Variants in TRPM3 observed in about 807,000 individuals in gnomAD.
The protein encoded by TRPM3 is transient receptor potential cation channel subfamily M member 3.
A neutral mutation model predicts 181.2 loss-of-function variants in TRPM3; 77 were observed. That is an observed-to-expected ratio of 0.42 (90% CI 0.35 to 0.51). The LOEUF is 0.51. Ranked by LOEUF, TRPM3 falls within the 20% of genes least tolerant of loss-of-function variation. TRPM3 has a pLI of 0.01. For synonymous variants in TRPM3, 745 were observed against 796.4 expected (o/e 0.94, Z 1.09); for missense variants, 1,759 against 2,196.7 (o/e 0.80, Z 3.98).
At chr9:71,065,383 T>C (rs1362347777) in intron 1 of TRPM3, among the ~76,000 whole-genome samples, 1 of 152,144 alleles carries the variant, frequency 6.6e-6, no homozygotes, top group Non-Finnish European at 1.5e-5. Flanking sequence ...AGAACAAAAT[T>C]ATTCCTTCTT....
chr9:70,892,753 A>G (rs762580840), intron 1 of TRPM3, among the ~76,000 whole-genome samples: 6 of 152,208 alleles, frequency 3.9e-5, no homozygotes, highest in Non-Finnish European at 8.8e-5. Context: ...CTAATTCTCA[A>G]TCAATACTTT....
At chr9:71,073,827 T>A (rs1341839282) in intron 1 of TRPM3, among the ~76,000 whole-genome samples, 1 of 152,180 alleles carries the variant, frequency 6.6e-6, no homozygotes, top group African/African-American at 2.4e-5. Context: ...GAATGCTGAA[T>A]TTTACAGTGG....
intron 1 of TRPM3, among the ~76,000 whole-genome samples, chr9:71,338,102 AAG>A (rs1285643608): frequency 1.4e-5 from 2 of 147,714 alleles, no homozygotes; most frequent in South Asian, 2.2e-4. Flanking sequence ...GAAAAAAAAA[AAG>A]AGCTTACCAC....
chr9:71,401,729 T>C (rs2093344230), intron 1 of TRPM3, among the ~76,000 whole-genome samples: 1 of 152,138 alleles, frequency 6.6e-6, no homozygotes, highest in Non-Finnish European at 1.5e-5. Flanking sequence ...AGAATTGGAT[T>C]TGAATAGTGG....
intron 3 of TRPM3, among the ~76,000 whole-genome samples, chr9:70,855,977 T>G (rs2095375999): frequency 6.6e-6 from 1 of 152,194 alleles, no homozygotes; most frequent in South Asian, 2.1e-4. Flanking sequence ...TTGTAATTTA[T>G]TCCATATTGT....
intron 1 of TRPM3, among the ~76,000 whole-genome samples, chr9:71,024,965 C>T (rs978034822): frequency 1.3e-5 from 2 of 152,154 alleles, no homozygotes; most frequent in African/African-American, 4.8e-5. Context: ...CAGATACACA[C>T]AATGCTGCTT....
At chr9:71,066,365 T>C (rs1387124279) in intron 1 of TRPM3, among the ~76,000 whole-genome samples, 1 of 152,162 alleles carries the variant, frequency 6.6e-6, no homozygotes, top group Non-Finnish European at 1.5e-5. Flanking sequence ...CTGATTTTCA[T>C]ACCAAGAGAT....
intron 1 of TRPM3, among the ~76,000 whole-genome samples, chr9:70,919,518 T>C (rs2096633408): frequency 6.6e-6 from 1 of 152,174 alleles, no homozygotes; most frequent in South Asian, 2.1e-4. Flanking sequence ...GCACGGTGGT[T>C]CACACCTGTA....
intron 1 of TRPM3, among the ~76,000 whole-genome samples, chr9:71,042,301 T>A (rs889094566): frequency 1.3e-5 from 2 of 152,200 alleles, no homozygotes; most frequent in African/African-American, 4.8e-5. Flanking sequence ...CTAATTTGTG[T>A]TGCTTTTCTT....
chr9:71,296,165 A>G (rs1200861176), intron 1 of TRPM3, among the ~76,000 whole-genome samples: 1 of 152,178 alleles, frequency 6.6e-6, no homozygotes, highest in African/African-American at 2.4e-5. Context: ...CTTCAAAACA[A>G]ACTGGTGAGA....
chr9:70,622,380 C>T (rs539053364), intron 14 of TRPM3, among the ~76,000 whole-genome samples: 2 of 152,360 alleles, frequency 1.3e-5, no homozygotes, highest in Admixed American at 6.5e-5. Context: ...ATTTCTCAAA[C>T]CTCTGAAGAG....
At chr9:71,057,864 T>G (rs1467998943) in intron 1 of TRPM3, among the ~76,000 whole-genome samples, 2 of 152,122 alleles carry the variant, frequency 1.3e-5, no homozygotes, top group Non-Finnish European at 2.9e-5. Flanking sequence ...TTTACATGTT[T>G]TAAGCAATAG....
At chr9:70,559,347 C>A (rs2048494904) in intron 22 of TRPM3, among the ~76,000 whole-genome samples, 1 of 152,182 alleles carries the variant, frequency 6.6e-6, no homozygotes, top group Non-Finnish European at 1.5e-5. Context: ...AAGACCTCAA[C>A]AAGTATCATC....
At chr9:70,590,947 A>C (rs1389615048) in intron 22 of TRPM3, 84 bp downstream of exon 22, 1 of 1,573,396 alleles carries the variant, frequency 6.4e-7, no homozygotes, top group South Asian at 1.1e-5. Flanking sequence ...TTTATTGAGA[A>C]CAAACAAATG....
At chr9:70,984,093 A>G (rs2097395538) in intron 1 of TRPM3, among the ~76,000 whole-genome samples, 2 of 152,216 alleles carry the variant, frequency 1.3e-5, no homozygotes, top group South Asian at 4.1e-4. Flanking sequence ...CTGGAATCAC[A>G]CTGTGTTTAT....
At chr9:70,697,892 T>C (rs1044360448) in intron 8 of TRPM3, among the ~76,000 whole-genome samples, 2 of 152,184 alleles carry the variant, frequency 1.3e-5, no homozygotes, top group South Asian at 4.1e-4. Context: ...TCCCCTCTCC[T>C]AGGTTACCGC....
intron 4 of TRPM3, among the ~76,000 whole-genome samples, 168 bp downstream of exon 4, chr9:70,846,210 C>CAAGAA (rs1212183682): frequency 2.0e-5 from 3 of 152,172 alleles, no homozygotes; most frequent in African/African-American, 7.2e-5. Context: ...TAAGAAATAA[C>CAAGAA]TTTACAGTTC....
At chr9:71,157,323 G>A (rs186405326) in intron 1 of TRPM3, among the ~76,000 whole-genome samples, 2 of 152,262 alleles carry the variant, frequency 1.3e-5, no homozygotes, top group Admixed American at 6.5e-5. Context: ...AGATTACCAT[G>A]AAGATGTCTA....
chr9:71,037,558 C>T (rs1469633299), intron 1 of TRPM3, among the ~76,000 whole-genome samples: 2 of 152,250 alleles, frequency 1.3e-5, no homozygotes, highest in East Asian at 3.8e-4. Context: ...CTTTGCCCAT[C>T]CATTCAGCAC....
Sources: gnomAD v4.1 joint callset for allele counts (sites outside exome capture counted in the v4.1 genomes callset) on GRCh38, gnomAD v4.1.1 for gene constraint, MANE v1.5 for transcripts, NCBI Gene and HGNC (gene_info 2026-07-23, HGNC 2026-07-21) for gene names.